The following ALLC variants were observed in gnomAD, a reference collection of about 807,000 sequenced individuals.
The protein encoded by ALLC is probable inactive allantoicase.
In ALLC, 40 loss-of-function variants were observed where a neutral mutation model predicts 45.0. That is an observed-to-expected ratio of 0.89 (90% CI 0.69 to 1.16). The LOEUF (loss-of-function observed/expected upper bound fraction) is 1.16. Ranked by LOEUF, ALLC falls within the 50% of genes most tolerant of loss-of-function variation. The pLI, the probability that ALLC is intolerant of heterozygous loss-of-function variation, is 0.00. For missense variants in ALLC, 488 were observed against 493.1 expected, an observed-to-expected ratio of 0.99 and a Z score of 0.10; for synonymous variants, 176 against 178.1, an observed-to-expected ratio of 0.99 and a Z score of 0.09.
Position 3,671,146 on chromosome 2 carries a change from T to G in ALLC, c.-12T>G. 6.2e-7 allele frequency: 1 copy of G among 1,610,776 alleles called. No homozygotes were observed. The highest frequency in any genetic ancestry group is 8.5e-7 in the Non-Finnish European group (1 of 1,178,658). ...GGGAAGACTGACCCGGTTTCTGGAC[T>G]TCACCCAGCTGATGGACATGGCATC... On this transcript the variant is annotated 5_prime_UTR_variant, in exon 2 of 12. Transcript: ENST00000252505.
In ALLC at chr2:3,697,469, C is replaced by T. The variant is rs746841541; in HGVS notation, c.850+13C>T. The T allele has an allele frequency of 1.2e-6, 2 of 1,601,332 alleles. No individual in the cohort carries two copies. Among genetic ancestry groups the T allele is most frequent in the African/African-American group, 2.7e-5 (2 of 74,742 alleles). Reference sequence around the variant, plus strand: ...AAATATTTTGAAGGTAAATGCAAAGCCATAAAGAAGTACCCTATAATTGGT... The same window carrying T: ...AAATATTTTGAAGGTAAATGCAAAGTCATAAAGAAGTACCCTATAATTGGT... On this transcript the variant is annotated intron_variant, in intron 10 of 11. Transcript: ENST00000252505.
At position 3,669,166 on chromosome 2, in the gene ALLC, A is replaced by C. The variant is rs369503676; in HGVS notation, c.-62-1930A>C. ...AGCTTGGCCAACATGGTGAAACCTC[A>C]TCTCTACTAAAAATACAGTAATTCC... On this transcript the variant is annotated intron_variant, in intron 1 of 11. Transcript: ENST00000252505. Among the ~76,000 whole-genome samples, 7 of 151,372 alleles carry C rather than the reference A, an allele frequency of 4.6e-5. No homozygotes were observed. In the East Asian group the frequency reaches 1.4e-3, roughly 30 times the overall value.
chr2:3,681,714 G>T lies in ALLC; in HGVS notation c.378+1G>T. The T allele has an allele frequency of 1.2e-6, 2 of 1,606,152 alleles. No homozygotes were observed. The highest frequency in any genetic ancestry group is 1.7e-6 in the Non-Finnish European group (2 of 1,175,724). ...TGAGGAGTTTGAAGCCATTGCTGAG[G>T]TACATCTCCCCCAAATGAATTGGGT... On this transcript the variant is annotated splice_donor_variant, in intron 6 of 11. Transcript: ENST00000252505. LOFTEE classifies it high-confidence loss of function.
At chr2:3,665,440 T>A (rs897724735) in intron 1 of ALLC, among the ~76,000 whole-genome samples, 11 of 152,140 alleles carry the variant, frequency 7.2e-5, no homozygotes, top group Non-Finnish European at 1.5e-4. Context: ...CCACATGCAT[T>A]AGCTATTTGT....
chr2:3,671,595 A>AGTTAGATGGGAGGTCCTCTGGCTCTG (rs1558537068), intron 2 of ALLC, among the ~76,000 whole-genome samples: 4 of 83,996 alleles, frequency 4.8e-5, no homozygotes, highest in African/African-American at 1.0e-4. Context: ...CTCTGGCTCT[A>AGTTAGATGGGAGGTCCTCTGGCTCTG]GTTAGATGGG....
At chr2:3,650,687 C>T in the ALLC span, among the ~76,000 whole-genome samples, 1 of 152,176 alleles carries the variant, frequency 6.6e-6, no homozygotes, top group Non-Finnish European at 1.5e-5. Flanking sequence ...CCCATACAGG[C>T]GAGGAGCTTG....
At chr2:3,664,492 A>T (rs990784688) in intron 1 of ALLC, among the ~76,000 whole-genome samples, 2 of 152,204 alleles carry the variant, frequency 1.3e-5, no homozygotes, top group African/African-American at 2.4e-5. Flanking sequence ...GCTTGCAGGC[A>T]TGGGGGTCAG....
intron 7 of ALLC, among the ~76,000 whole-genome samples, chr2:3,683,592 T>C (rs1667254240): frequency 6.6e-6 from 1 of 152,256 alleles, no homozygotes; most frequent in African/African-American, 2.4e-5. Context: ...ATTTGCTTTT[T>C]GTCTTGATAG....
intron 1 of ALLC, among the ~76,000 whole-genome samples, chr2:3,662,333 A>G (rs867841221): frequency 6.6e-6 from 1 of 152,174 alleles, no homozygotes; most frequent in Admixed American, 6.5e-5. Context: ...TGCATTCTGG[A>G]GCACACCCTG....
At chr2:3,647,851 C>T in the ALLC span, among the ~76,000 whole-genome samples, 1 of 152,172 alleles carries the variant, frequency 6.6e-6, no homozygotes, top group African/African-American at 2.4e-5. Context: ...AACCCAGCTG[C>T]GGTCAGGCTC....
intron 1 of ALLC, among the ~76,000 whole-genome samples, chr2:3,664,813 G>A (rs957902775): frequency 1.3e-5 from 2 of 151,168 alleles, no homozygotes. Context: ...GAGCCCAAGA[G>A]TTTGAGGCTG....
intron 11 of ALLC, 119 bp from the exon 12 acceptor site, chr2:3,702,244 A>T: frequency 1.3e-6 from 1 of 768,210 alleles, no homozygotes. Flanking sequence ...ATCAATTAAT[A>T]ACTTATTTTA....
At chr2:3,661,767 T>A (rs1212973715) in intron 1 of ALLC, among the ~76,000 whole-genome samples, 1 of 152,228 alleles carries the variant, frequency 6.6e-6, no homozygotes, top group Non-Finnish European at 1.5e-5. Flanking sequence ...TATAGTTTCA[T>A]GTTGCTGTTA....
chr2:3,649,760 G>A, the ALLC span, among the ~76,000 whole-genome samples: 574 of 152,360 alleles, frequency 3.8e-3, 1 homozygote, highest in Non-Finnish European at 5.7e-3. Flanking sequence ...CAGGGACCGG[G>A]CAGACACACC....
Position 3,670,981 on chromosome 2 carries a change from A to AGTTCTGTC in ALLC, c.-62-114_-62-107dup, listed in dbSNP as rs1344710477. 9.4e-6 allele frequency: 6 copies of AGTTCTGTC among 637,100 alleles called. No individual in the cohort carries two copies. In the East Asian group the frequency reaches 1.4e-4, roughly 15 times the overall value. The allele number at this position is 637,100 out of a possible 1,614,324, so 39.5% of individuals were successfully genotyped here. A position where few individuals can be genotyped will look rare whatever the true frequency, so the allele number is the denominator to read the frequency against. On this transcript the variant is annotated intron_variant, in intron 1 of 11. Coordinates refer to ENST00000252505, the MANE Select transcript of ALLC (RefSeq NM_018436.4). ...GTCAGGTACAGTTGACAGTACATCC[A>AGTTCTGTC]GTTCTGTCACTGCCTGACTTTTGAA... is the stretch of plus-strand genomic sequence containing the variant.
chr2:3,651,058 T>C, the ALLC span, among the ~76,000 whole-genome samples: 6 of 152,130 alleles, frequency 3.9e-5, no homozygotes, highest in East Asian at 1.9e-4. Flanking sequence ...AGGTGCTGCA[T>C]TGAGGCATGA....
the ALLC span, among the ~76,000 whole-genome samples, chr2:3,650,086 C>T: frequency 9.8e-5 from 15 of 152,370 alleles, no homozygotes; most frequent in African/African-American, 3.6e-4. Flanking sequence ...CCCCTTTCTC[C>T]CCTCTTATGT....
At chr2:3,681,088 T>C (rs116021727) in intron 5 of ALLC, among the ~76,000 whole-genome samples, 1,994 of 152,320 alleles carry the variant, frequency 0.013, 36 homozygotes, top group African/African-American at 0.045. Flanking sequence ...TGCACAGCGC[T>C]GCATGAGGCT....
the ALLC span, among the ~76,000 whole-genome samples, chr2:3,651,918 G>A: frequency 6.6e-6 from 1 of 152,198 alleles, no homozygotes; most frequent in Non-Finnish European, 1.5e-5. Flanking sequence ...CGTGCCCTTC[G>A]CTTCCCCTGT....
Sources: allele counts gnomAD v4.1 joint callset (sites outside exome capture counted in the v4.1 genomes callset), GRCh38; gene constraint gnomAD v4.1.1; transcripts MANE v1.5; gene names NCBI Gene and HGNC (gene_info 2026-07-23, HGNC 2026-07-21).